EIF3H: variants seen among roughly 807,000 people sequenced by gnomAD.
EIF3H encodes the protein eIF-3-gamma.
A neutral mutation model predicts 44.2 loss-of-function variants in EIF3H; 26 were observed. The ratio of observed to expected loss-of-function variants is 0.59; its 90% CI spans 0.43 to 0.82. The LOEUF (loss-of-function observed/expected upper bound fraction) is 0.82. Among genes scored for constraint, EIF3H ranks in the 40% least tolerant of loss-of-function variants. EIF3H has a pLI of 0.00. For synonymous variants in EIF3H, 166 were observed against 151.9 expected (o/e 1.09, Z -0.68); for missense variants, 359 against 432.8 (o/e 0.83, Z 1.51).
intron 2 of EIF3H, among the ~76,000 whole-genome samples, chr8:116,723,421 A>G (rs1814784924): frequency 7.1e-6 from 1 of 141,754 alleles, no homozygotes. Flanking sequence ...GGGAGAGCAT[A>G]GCCAGGTTAA....
At chr8:116,646,850 A>G (rs1813309657) in intron 6 of EIF3H, among the ~76,000 whole-genome samples, 1 of 152,214 alleles carries the variant, frequency 6.6e-6, no homozygotes, top group African/African-American at 2.4e-5. Context: ...TCAGAAAACA[A>G]AACTAGTTAT....
chr8:116,739,082 A>G (rs558637043), intron 1 of EIF3H, among the ~76,000 whole-genome samples: 1 of 152,224 alleles, frequency 6.6e-6, no homozygotes, highest in East Asian at 1.9e-4. Context: ...GAAGGCAGTC[A>G]GTTTACTGGA....
chr8:116,685,758 C>A (rs1331385988), intron 2 of EIF3H, among the ~76,000 whole-genome samples: 3 of 152,146 alleles, frequency 2.0e-5, no homozygotes, highest in African/African-American at 7.2e-5. Flanking sequence ...CAATTTTCGA[C>A]CATAAACAGC....
intron 2 of EIF3H, among the ~76,000 whole-genome samples, chr8:116,678,313 GGAGT>G (rs1218596352): frequency 1.1e-4 from 17 of 151,964 alleles, no homozygotes; most frequent in Non-Finnish European, 2.2e-4. Context: ...TGCCCAGGCT[GGAGT>G]GCAGTGGCGT....
chr8:116,752,900 A>C (rs1815383783), intron 1 of EIF3H, among the ~76,000 whole-genome samples: 1 of 151,956 alleles, frequency 6.6e-6, no homozygotes, highest in Non-Finnish European at 1.5e-5. Flanking sequence ...TTTTTTTTAA[A>C]TTGTATCTGG....
At chr8:116,746,829 G>A in intron 1 of EIF3H, among the ~76,000 whole-genome samples, 1 of 152,050 alleles carries the variant, frequency 6.6e-6, no homozygotes, top group Middle Eastern at 3.2e-3. Context: ...AAATACTCAG[G>A]TTAGAGATAA....
At chr8:116,750,237 T>C (rs563957586) in intron 1 of EIF3H, among the ~76,000 whole-genome samples, 13 of 152,394 alleles carry the variant, frequency 8.5e-5, no homozygotes, top group East Asian at 7.7e-4. Context: ...TTAAACTATA[T>C]GGAGAATTTT....
chr8:116,755,599 C>A, intron 1 of EIF3H, 67 bp downstream of exon 1: 6 of 1,601,392 alleles, frequency 3.7e-6, no homozygotes, highest in Non-Finnish European at 5.1e-6. Context: ...CTAGAAAGTA[C>A]GTCTGGTGGG....
intron 3 of EIF3H, 151 bp downstream of exon 3, chr8:116,658,662 T>A: frequency 1.5e-6 from 1 of 672,436 alleles, no homozygotes. Context: ...AAACCCTGTC[T>A]AGACTGAGCT....
In EIF3H at chr8:116,717,618, G is replaced by A. The variant is rs993272517; in HGVS notation, c.289+8398C>T. 4.6e-4 allele frequency among the ~76,000 whole-genome samples: 70 copies of A among 151,938 alleles called. 1 individual carries two copies. The highest frequency in any genetic ancestry group is 3.5e-3 in the Admixed American group (54 of 15,224). Reference sequence around the variant, plus strand: ...CAAATACTTAGAGTTAACTGACTTCGACAAAGCCAACAAAAACACAAAGTG... The same window carrying A: ...CAAATACTTAGAGTTAACTGACTTCAACAAAGCCAACAAAAACACAAAGTG... On this transcript the variant is annotated intron_variant, in intron 2 of 7. Coordinates refer to ENST00000521861, the MANE Select transcript of EIF3H (RefSeq NM_003756.3).
At chr8:116,736,890 A>T (rs1410442773) in intron 1 of EIF3H, among the ~76,000 whole-genome samples, 1 of 152,190 alleles carries the variant, frequency 6.6e-6, no homozygotes, top group Non-Finnish European at 1.5e-5. Context: ...CTATTGACTC[A>T]TGTTTTTAAT....
intron 2 of EIF3H, 61 bp from the exon 3 acceptor site, chr8:116,659,041 AAAAC>A: frequency 7.0e-7 from 1 of 1,422,384 alleles, no homozygotes; most frequent in Admixed American, 2.4e-5. Flanking sequence ...ACCAACATCA[AAAAC>A]AAGCCGTTTT....
rs565757811 is a variant in EIF3H, at chr8:116,669,114, T to G, written c.290-10134A>C. 7.2e-4 allele frequency among the ~76,000 whole-genome samples: 109 copies of G among 152,238 alleles called. 1 individual carries two copies. Among genetic ancestry groups the G allele is most frequent in the Non-Finnish European group, 9.8e-4 (67 of 68,024 alleles). On this transcript the variant is annotated intron_variant, in intron 2 of 7. Coordinates refer to ENST00000521861, the MANE Select transcript of EIF3H (RefSeq NM_003756.3). ...TTCATGTCATGAAACAGAATTCATATGTACAAATAGGAATATGATCAAAAA... is the reference window on the plus strand; with the variant it reads ...TTCATGTCATGAAACAGAATTCATAGGTACAAATAGGAATATGATCAAAAA...
chr8:116,657,401 T>C, intron 3 of EIF3H, 87 bp from the exon 4 acceptor site: 1 of 934,334 alleles, frequency 1.1e-6, no homozygotes, highest in South Asian at 1.4e-5. Context: ...TTCTGTTACA[T>C]ATCGCACAAT....
chr8:116,727,618 C>A (rs1320235498), intron 1 of EIF3H, among the ~76,000 whole-genome samples: 1 of 152,190 alleles, frequency 6.6e-6, no homozygotes, highest in East Asian at 1.9e-4. Context: ...TGAGTGTCAG[C>A]TTAACATTCC....
At chr8:116,695,420 GAAGAA>G (rs1814253592) in intron 2 of EIF3H, among the ~76,000 whole-genome samples, 1 of 152,014 alleles carries the variant, frequency 6.6e-6, no homozygotes, top group Non-Finnish European at 1.5e-5. Flanking sequence ...ATTTTTTTCT[GAAGAA>G]AAGGTCTACA....
chr8:116,760,667 A>T (rs1027163491), upstream of EIF3H, among the ~76,000 whole-genome samples: 1 of 152,204 alleles, frequency 6.6e-6, no homozygotes, highest in Non-Finnish European at 1.5e-5. Flanking sequence ...AATATCATGT[A>T]ATTAATACTT....
At chr8:116,701,962 T>C (rs1209295349) in intron 2 of EIF3H, among the ~76,000 whole-genome samples, 2 of 152,212 alleles carry the variant, frequency 1.3e-5, no homozygotes, top group Non-Finnish European at 1.5e-5. Context: ...CATGGTTACA[T>C]GTTAATGGTC....
intron 1 of EIF3H, among the ~76,000 whole-genome samples, chr8:116,751,788 T>C (rs964549619): frequency 3.3e-5 from 5 of 152,250 alleles, no homozygotes; most frequent in African/African-American, 1.2e-4. Context: ...TGGTGACTTA[T>C]TCTGTCCCAG....
Sources: allele counts gnomAD v4.1 joint callset (sites outside exome capture counted in the v4.1 genomes callset), GRCh38; gene constraint gnomAD v4.1.1; transcripts MANE v1.5; gene names NCBI Gene and HGNC (gene_info 2026-07-23, HGNC 2026-07-21).